Variants in DNAH12 observed in about 807,000 individuals in gnomAD.
DNAH12 encodes axonemal beta dynein heavy chain 12.
In DNAH12, 285 loss-of-function variants were observed where a neutral mutation model predicts 371.5. The observed-to-expected ratio is 0.77, with a 90% confidence interval of 0.70 to 0.85. DNAH12 has a LOEUF of 0.85. DNAH12 is among the 40% of genes least tolerant of loss of function. The pLI is 0.00. For synonymous variants in DNAH12, 1,200 were observed against 1,213.0 expected (o/e 0.99, Z 0.22); for missense variants, 3,611 against 3,689.4 (o/e 0.98, Z 0.55).
chr3:57,298,312 T>C (rs902318007), intron 70 of DNAH12, among the ~76,000 whole-genome samples: 1 of 152,212 alleles, frequency 6.6e-6, no homozygotes, highest in Non-Finnish European at 1.5e-5. Flanking sequence ...GCTGGGACTT[T>C]CGGAGAAAAG....
intron 13 of DNAH12, among the ~76,000 whole-genome samples, chr3:57,478,991 C>G (rs1376079879): frequency 6.6e-6 from 1 of 152,262 alleles, no homozygotes; most frequent in East Asian, 1.9e-4. Flanking sequence ...TAAAGACCAT[C>G]GAGGCTAGGA....
intron 57 of DNAH12, among the ~76,000 whole-genome samples, chr3:57,364,897 A>C (rs1358542600): frequency 6.6e-6 from 1 of 152,262 alleles, no homozygotes; most frequent in Non-Finnish European, 1.5e-5. Context: ...CAGAAATGTA[A>C]ATCAAAACCA....
intron 60 of DNAH12, among the ~76,000 whole-genome samples, chr3:57,339,380 T>TAAAA (rs59005430): frequency 5.3e-5 from 6 of 113,348 alleles, no homozygotes; most frequent in South Asian, 2.6e-4. Context: ...CAATAAATAC[T>TAAAA]AAAAAAAAAA....
Position 57,377,223 on chromosome 3 carries a change from C to T in DNAH12, c.8224-1G>A, listed in dbSNP as rs2063298736. The T allele has an allele frequency of 6.6e-6, 1 of 152,096 alleles. No homozygotes were observed. Among genetic ancestry groups the T allele is most frequent in the Non-Finnish European group, 1.5e-5 (1 of 67,996 alleles). 9.4% of individuals were successfully genotyped at this position (152,096 alleles called of 1,614,324 possible). The stretch of plus-strand genomic sequence containing the variant: ...AGCGAGCTTTCTTAGGAGCCACTAC[C>T]TTTTTGGGAAGAATATATGCAGATA... On this transcript the variant is annotated splice_acceptor_variant, in intron 52 of 73. Coordinates refer to ENST00000495027, the MANE Select transcript of DNAH12 (RefSeq NM_001366028.2). LOFTEE classifies it high-confidence loss of function.
At chr3:57,371,941 CAAAAAAAAAAAA>C (rs1169602185) in intron 55 of DNAH12, among the ~76,000 whole-genome samples, 2 of 25,848 alleles carry the variant, frequency 7.7e-5, no homozygotes, top group East Asian at 3.7e-4. Flanking sequence ...CTAAACTCAG[CAAAAAAAAAAAA>C]AAAAAAAAAA....
intron 22 of DNAH12, among the ~76,000 whole-genome samples, chr3:57,456,908 A>G (rs1431094046): frequency 6.6e-6 from 1 of 152,162 alleles, no homozygotes; most frequent in Non-Finnish European, 1.5e-5. Context: ...TTCATCATCA[A>G]GACCTGTTGA....
At chr3:57,419,738 AT>A (rs1336686292) in intron 36 of DNAH12, among the ~76,000 whole-genome samples, 1 of 152,108 alleles carries the variant, frequency 6.6e-6, no homozygotes, top group African/African-American at 2.4e-5. Context: ...TAAAAAATAT[AT>A]TTTTTCAATT....
chr3:57,344,744 G>T (rs1467461831), intron 60 of DNAH12, among the ~76,000 whole-genome samples: 2 of 152,152 alleles, frequency 1.3e-5, no homozygotes, highest in African/African-American at 4.8e-5. Context: ...AAATGAAGTT[G>T]ATTTCATAGA....
intron 45 of DNAH12, among the ~76,000 whole-genome samples, chr3:57,388,400 C>T (rs1199370089): frequency 6.6e-6 from 1 of 151,986 alleles, no homozygotes; most frequent in Non-Finnish European, 1.5e-5. Context: ...CATTTAGTTT[C>T]AATAATATGC....
At chr3:57,512,662 C>G (rs2068041760) in intron 4 of DNAH12, 1 of 152,178 alleles carries the variant, frequency 6.6e-6, no homozygotes, top group Non-Finnish European at 1.5e-5. Context: ...GGCGATTCTT[C>G]AAGTATCTAG....
intron 40 of DNAH12, among the ~76,000 whole-genome samples, chr3:57,407,461 T>A (rs1283695494): frequency 2.0e-5 from 3 of 152,160 alleles, no homozygotes; most frequent in Admixed American, 6.6e-5. Flanking sequence ...CATAGTAGTT[T>A]CTTTACTTGA....
chr3:57,541,050 A>AT (rs1214071016), intron 2 of DNAH12, among the ~76,000 whole-genome samples: 1 of 144,874 alleles, frequency 6.9e-6, no homozygotes, highest in East Asian at 2.2e-4. Context: ...CCTCCCTTTT[A>AT]TTTTTTTGAG....
chr3:57,396,407 T>G (rs2063743131), intron 43 of DNAH12, among the ~76,000 whole-genome samples: 1 of 151,876 alleles, frequency 6.6e-6, no homozygotes, highest in South Asian at 2.1e-4. Context: ...GATTTTTTTT[T>G]TGTTTTTTGA....
chr3:57,422,373 G>A (rs904228870), intron 35 of DNAH12, among the ~76,000 whole-genome samples: 12 of 151,908 alleles, frequency 7.9e-5, no homozygotes, highest in Non-Finnish European at 1.2e-4. Context: ...GACTACAGGC[G>A]CCCACCACCA....
At chr3:57,348,478 A>T (rs781947979) in intron 60 of DNAH12, among the ~76,000 whole-genome samples, 4 of 152,202 alleles carry the variant, frequency 2.6e-5, no homozygotes, top group Non-Finnish European at 5.9e-5. Flanking sequence ...GTGAAGCCTG[A>T]TGTTACCTAT....
intron 65 of DNAH12, among the ~76,000 whole-genome samples, chr3:57,317,527 T>A (rs916967210): frequency 6.6e-6 from 1 of 152,154 alleles, no homozygotes; most frequent in Non-Finnish European, 1.5e-5. Context: ...GTTTTATCCA[T>A]GTTGTCATAT....
chr3:57,363,045 A>T (rs1432023781), intron 58 of DNAH12, among the ~76,000 whole-genome samples: 1 of 152,146 alleles, frequency 6.6e-6, no homozygotes, highest in Non-Finnish European at 1.5e-5. Flanking sequence ...TAATTTTTGT[A>T]TAAGGTATAA....
At chr3:57,410,067 A>C (rs529969787) in intron 39 of DNAH12, among the ~76,000 whole-genome samples, 21 of 152,346 alleles carry the variant, frequency 1.4e-4, no homozygotes, top group African/African-American at 4.6e-4. Flanking sequence ...GGTACTTTGA[A>C]GGATGTAATC....
intron 29 of DNAH12, among the ~76,000 whole-genome samples, chr3:57,438,198 T>C (rs2317877): frequency 0.69 from 104,304 of 151,832 alleles, 36,002 homozygotes; most frequent in South Asian, 0.8. Flanking sequence ...GTAATCCCAG[T>C]TACTCGGGAG....
Sources: gnomAD v4.1 joint callset for allele counts (sites outside exome capture counted in the v4.1 genomes callset) on GRCh38, gnomAD v4.1.1 for gene constraint, MANE v1.5 for transcripts, NCBI Gene and HGNC (gene_info 2026-07-23, HGNC 2026-07-21) for gene names.